KSR1: variants seen among roughly 807,000 people sequenced by gnomAD.
KSR1 encodes kinase suppressor of ras 1.
In KSR1, 35 loss-of-function variants were observed where a neutral mutation model predicts 92.9. The ratio of observed to expected loss-of-function variants is 0.38; its 90% CI spans 0.29 to 0.50. The LOEUF is 0.50. KSR1 is among the 20% of genes least tolerant of loss of function. The pLI is 0.94. For synonymous variants in KSR1, 467 were observed against 472.6 expected (o/e 0.99, Z 0.15); for missense variants, 972 against 1,158.5 (o/e 0.84, Z 2.34).
At chr17:27,547,611 T>TTTTTG (rs1360480439) in intron 1 of KSR1, among the ~76,000 whole-genome samples, 6 of 152,320 alleles carry the variant, frequency 3.9e-5, no homozygotes, top group South Asian at 4.1e-4. Context: ...TCACAGGTTT[T>TTTTTG]TTTTGTTTTG....
rs147373192 is a variant in KSR1, at chr17:27,621,663, G to A, written c.2708+390G>A. 5.3e-5 allele frequency among the ~76,000 whole-genome samples: 8 copies of A among 152,340 alleles called. No homozygotes were observed. In the East Asian group the frequency reaches 1.5e-3, roughly 29 times the overall value. ...GATTTTACTCGTCAAGGGCTAAGGAGCTGTGGGCATGTTCCATCCTCTTTA... is the reference window on the plus strand; with the variant it reads ...GATTTTACTCGTCAAGGGCTAAGGAACTGTGGGCATGTTCCATCCTCTTTA... On this transcript the variant is annotated intron_variant, in intron 20 of 20. Coordinates refer to ENST00000644974, the MANE Select transcript of KSR1 (RefSeq NM_001394583.1).
At chr17:27,468,165 A>G (rs1254586007) in intron 1 of KSR1, among the ~76,000 whole-genome samples, 1 of 151,486 alleles carries the variant, frequency 6.6e-6, no homozygotes, top group Non-Finnish European at 1.5e-5. Flanking sequence ...ACTTGTACAA[A>G]AGTAGAGAGA....
chr17:27,615,775 G>A (rs145739601), intron 18 of KSR1, among the ~76,000 whole-genome samples: 50 of 152,282 alleles, frequency 3.3e-4, no homozygotes, highest in African/African-American at 1.2e-3. Context: ...AATAAACTGC[G>A]AGTGAAACCT....
At chr17:27,590,671 G>C (rs1278545782) in intron 6 of KSR1, 140 bp from the exon 7 acceptor site, 4 of 686,360 alleles carry the variant, frequency 5.8e-6, no homozygotes, top group African/African-American at 3.6e-5. Context: ...GGGTATCTCT[G>C]TCCTCTCTGG....
rs1232456155 is a variant in KSR1, at chr17:27,550,550, T to C, written c.232-18T>C. The C allele has an allele frequency of 1.3e-6, 1 of 764,072 alleles. No individual in the cohort carries two copies. 47.3% of individuals were successfully genotyped at this position (764,072 alleles called of 1,614,324 possible). On this transcript the variant is annotated intron_variant, in intron 1 of 20. Transcript: ENST00000644974. Reference sequence around the variant, plus strand: ...GCTGCAGATGAACACAGGCTTTTCTTTTTTGGACTTTCTGCAGGCGAAGCT... The same window carrying C: ...GCTGCAGATGAACACAGGCTTTTCTCTTTTGGACTTTCTGCAGGCGAAGCT...
intron 1 of KSR1, among the ~76,000 whole-genome samples, chr17:27,506,990 A>G (rs1354067483): frequency 1.3e-5 from 2 of 152,206 alleles, no homozygotes; most frequent in Non-Finnish European, 2.9e-5. Context: ...ACTTTCTGCA[A>G]TAATTGAAAT....
At chr17:27,617,536 G>T (rs1172209749) in intron 19 of KSR1, 108 bp downstream of exon 19, 11 of 1,320,612 alleles carry the variant, frequency 8.3e-6, no homozygotes, top group South Asian at 3.0e-5. Flanking sequence ...GTTTTTTGGG[G>T]TTTTTTTTGA....
chr17:27,484,705 CAG>C (rs1454845370), intron 1 of KSR1, among the ~76,000 whole-genome samples: 1 of 152,146 alleles, frequency 6.6e-6, no homozygotes, highest in Non-Finnish European at 1.5e-5. Context: ...GGCAGGTGCA[CAG>C]AGAGGGAAAC....
intron 1 of KSR1, among the ~76,000 whole-genome samples, chr17:27,490,551 T>A (rs1597870174): frequency 6.6e-6 from 1 of 151,214 alleles, no homozygotes; most frequent in African/African-American, 2.4e-5. Flanking sequence ...GGATCAGGGG[T>A]GGGGGTTACA....
At chr17:27,538,198 C>G (rs1380626583) in intron 1 of KSR1, among the ~76,000 whole-genome samples, 1 of 152,194 alleles carries the variant, frequency 6.6e-6, no homozygotes, top group Non-Finnish European at 1.5e-5. Context: ...CTTAATAGAA[C>G]TACTTTTGGT....
intron 2 of KSR1, among the ~76,000 whole-genome samples, chr17:27,570,327 A>G (rs996867096): frequency 1.3e-5 from 2 of 152,048 alleles, no homozygotes; most frequent in Non-Finnish European, 2.9e-5. Context: ...TGAGCAAGTT[A>G]CCCGCCCTCT....
At chr17:27,558,958 C>T (rs1458256657) in intron 2 of KSR1, among the ~76,000 whole-genome samples, 1 of 152,194 alleles carries the variant, frequency 6.6e-6, no homozygotes, top group Non-Finnish European at 1.5e-5. Flanking sequence ...CTTAGGAAAA[C>T]ATACGTGGAT....
At chr17:27,543,920 T>C (rs2071065068) in intron 1 of KSR1, among the ~76,000 whole-genome samples, 1 of 152,150 alleles carries the variant, frequency 6.6e-6, no homozygotes, top group Non-Finnish European at 1.5e-5. Flanking sequence ...TTCAGGGTCT[T>C]CCTTAGTCCC....
At chr17:27,592,325 T>C (rs1335963023) in intron 7 of KSR1, 36 bp from the exon 8 acceptor site, 1 of 1,585,216 alleles carries the variant, frequency 6.3e-7, no homozygotes, top group Non-Finnish European at 8.7e-7. Flanking sequence ...CCCCCCCATG[T>C]GGTGCTTTGC....
intron 1 of KSR1, among the ~76,000 whole-genome samples, chr17:27,488,970 A>AT (rs1567756486): frequency 6.6e-6 from 1 of 152,248 alleles, no homozygotes; most frequent in South Asian, 2.1e-4. Flanking sequence ...CTCAAAAAAA[A>AT]TTTTTTTTTA....
In KSR1 at chr17:27,550,700, G is replaced by A; in HGVS notation, c.364G>A (p.Val122Met). ...GTACACTTTCAACGTGAGGCCGGAG[G>A]TGGTGCAGGTATGCAAGCTGGTTCT... ...WLYTFNVRPE[V>M]VQEIPRDLTL... The change falls in exon 2 of 21, where the codon GTG becomes ATG. Residue 122 changes from valine to methionine, a missense_variant. Transcript: ENST00000644974. The A allele has an allele frequency of 1.3e-6, 1 of 763,128 alleles. No homozygotes were observed. 47.3% of individuals were successfully genotyped at this position (763,128 alleles called of 1,614,324 possible).
At chr17:27,548,661 C>T (rs536674198) in intron 1 of KSR1, among the ~76,000 whole-genome samples, 1 of 152,284 alleles carries the variant, frequency 6.6e-6, no homozygotes, top group Non-Finnish European at 1.5e-5. Context: ...GAAAACCCGT[C>T]TCTACTAAAA....
At chr17:27,560,526 C>T (rs2071786892) in intron 2 of KSR1, 1 of 517,658 alleles carries the variant, frequency 1.9e-6, no homozygotes, top group South Asian at 1.4e-5. Flanking sequence ...CCTTGCGTTC[C>T]TGTGTTTAAG....
At chr17:27,605,324 T>C in intron 13 of KSR1, 110 bp from the exon 14 acceptor site, 1 of 1,418,276 alleles carries the variant, frequency 7.1e-7, no homozygotes, top group Non-Finnish European at 9.4e-7. Context: ...CTGGGTCCCC[T>C]GGCAGGATGC....
Sources: gnomAD v4.1 joint callset for allele counts (sites outside exome capture counted in the v4.1 genomes callset) on GRCh38, gnomAD v4.1.1 for gene constraint, MANE v1.5 for transcripts, NCBI Gene and HGNC (gene_info 2026-07-23, HGNC 2026-07-21) for gene names.